ABI1: variants seen among roughly 807,000 people sequenced by gnomAD.
ABI1 encodes abl interactor 1.
A neutral mutation model predicts 54.6 loss-of-function variants in ABI1; 14 were observed. That is an observed-to-expected ratio of 0.26 (90% CI 0.17 to 0.40). The LOEUF (loss-of-function observed/expected upper bound fraction) is 0.40. Among genes scored for constraint, ABI1 ranks in the 10% least tolerant of loss-of-function variants. The pLI is 1.00. For synonymous variants in ABI1, 194 were observed against 209.3 expected, an observed-to-expected ratio of 0.93 and a Z score of 0.63; for missense variants, 443 against 598.3, an observed-to-expected ratio of 0.74 and a Z score of 2.71.
chr10:26,855,782 CCAATA>C (rs2050748867), intron 1 of ABI1, among the ~76,000 whole-genome samples: 1 of 151,830 alleles, frequency 6.6e-6, no homozygotes, highest in African/African-American at 2.4e-5. Flanking sequence ...ACCAGCCTGG[CCAATA>C]TGGTGAAACT....
intron 1 of ABI1, chr10:26,839,628 T>C (rs890702361): frequency 3.2e-5 from 20 of 616,534 alleles, no homozygotes; most frequent in Non-Finnish European, 5.7e-6. Flanking sequence ...TTAACTGACT[T>C]GAGAAAAAGA....
intron 10 of ABI1, among the ~76,000 whole-genome samples, chr10:26,749,974 A>G (rs79967259): frequency 0.015 from 2,212 of 152,286 alleles, 40 homozygotes; most frequent in African/African-American, 0.045. Flanking sequence ...CTCCTCTACT[A>G]TCAAATATAT....
At chr10:26,833,020 A>T (rs2048789024) in intron 1 of ABI1, among the ~76,000 whole-genome samples, 1 of 152,260 alleles carries the variant, frequency 6.6e-6, no homozygotes. Context: ...TATCCAGCAA[A>T]AAAAATAAAT....
At chr10:26,769,665 A>T in intron 5 of ABI1, among the ~76,000 whole-genome samples, 1 of 152,226 alleles carries the variant, frequency 6.6e-6, no homozygotes, top group East Asian at 1.9e-4. Context: ...GTACACTGAG[A>T]ACTAGGAAGG....
chr10:26,811,167 C>A (rs928074273), intron 2 of ABI1, among the ~76,000 whole-genome samples: 35 of 151,806 alleles, frequency 2.3e-4, no homozygotes, highest in Non-Finnish European at 2.4e-4. Flanking sequence ...ATTAAGAATC[C>A]CTGTAGAATA....
chr10:26,797,517 G>A (rs994822979), intron 2 of ABI1, among the ~76,000 whole-genome samples: 1 of 152,162 alleles, frequency 6.6e-6, no homozygotes, highest in African/African-American at 2.4e-5. Context: ...GTTGTAAAAT[G>A]AAGTCCAAAG....
intron 1 of ABI1, among the ~76,000 whole-genome samples, chr10:26,835,973 G>A (rs1373391248): frequency 1.3e-5 from 2 of 151,704 alleles, no homozygotes; most frequent in African/African-American, 2.4e-5. Flanking sequence ...GGCTGGTCTC[G>A]AACTCCTGAA....
intron 5 of ABI1, among the ~76,000 whole-genome samples, chr10:26,769,840 AG>A (rs1351141828): frequency 4.6e-5 from 7 of 152,326 alleles, no homozygotes; most frequent in Admixed American, 3.3e-4. Context: ...GCGAAACAGA[AG>A]AGCTGTGGAC....
chr10:26,787,143 A>T (rs1842816902), intron 2 of ABI1, among the ~76,000 whole-genome samples: 1 of 152,182 alleles, frequency 6.6e-6, no homozygotes, highest in African/African-American at 2.4e-5. Flanking sequence ...CTATTGCAAC[A>T]GTCTTCTAAT....
At chr10:26,775,290 C>T (rs1379977403) in intron 3 of ABI1, among the ~76,000 whole-genome samples, 1 of 152,096 alleles carries the variant, frequency 6.6e-6, no homozygotes, top group African/African-American at 2.4e-5. Flanking sequence ...CAGAAACAAA[C>T]TATAGACAAA....
chr10:26,851,374 T>TTTTTTTG (rs2050377909), intron 1 of ABI1, among the ~76,000 whole-genome samples: 1 of 145,198 alleles, frequency 6.9e-6, no homozygotes, highest in South Asian at 2.2e-4. Context: ...TTTTTTTTTT[T>TTTTTTTG]GAGACAGGGT....
chr10:26,821,827 A>G (rs2048006704), intron 2 of ABI1, among the ~76,000 whole-genome samples: 1 of 151,834 alleles, frequency 6.6e-6, no homozygotes, highest in South Asian at 2.1e-4. Context: ...AAGCAGGAGG[A>G]TTATTATAAA....
intron 2 of ABI1, among the ~76,000 whole-genome samples, chr10:26,790,943 C>T (rs1843345948): frequency 1.3e-5 from 2 of 151,858 alleles, no homozygotes; most frequent in South Asian, 2.1e-4. Context: ...TGGTGGCACA[C>T]ACTTGCAGTC....
intron 2 of ABI1, among the ~76,000 whole-genome samples, chr10:26,792,740 T>C (rs953890059): frequency 2.6e-5 from 4 of 152,202 alleles, no homozygotes; most frequent in Admixed American, 1.3e-4. Context: ...AGGAAAACAT[T>C]TTCTAAAATG....
At chr10:26,808,739 A>G (rs1226753557) in intron 2 of ABI1, among the ~76,000 whole-genome samples, 2 of 151,938 alleles carry the variant, frequency 1.3e-5, no homozygotes, top group African/African-American at 4.8e-5. Flanking sequence ...AACAACAAAA[A>G]AGGTAACTGG....
intron 1 of ABI1, chr10:26,839,796 T>C: frequency 1.4e-6 from 1 of 698,270 alleles, no homozygotes. Flanking sequence ...ACAGAAAAAA[T>C]AAAAATAAAT....
rs747452506 is a variant in ABI1 at position 26,777,228 on chromosome 10, T to C, written c.299A>G (p.His100Arg). 6.2e-7 allele frequency: 1 copy of C among 1,605,926 alleles called. No individual in the cohort carries two copies. Among genetic ancestry groups the C allele is most frequent in the South Asian group, 1.1e-5 (1 of 89,186 alleles). Residue 100 changes from histidine (H) to arginine (R), a missense_variant, in exon 3 of 11, where the codon CAT (histidine) becomes CGT (arginine). His to Arg is a conservative substitution (Grantham distance 29, BLOSUM62 0). This residue lies in a region of ABI1 where 394 missense variants were observed against 484.8 expected (regional missense o/e 0.81). Transcript: ENST00000376140. Reference protein sequence around the residue: ...INHISQTVDIHKEKVARREIG... With the variant: ...INHISQTVDIRKEKVARREIG... Reference sequence around the variant, plus strand: ...CTCTCTTCGTGCCACTTTCTCCTTATGAATATCCACAGTCTATATTTTAAT... The same window carrying C: ...CTCTCTTCGTGCCACTTTCTCCTTACGAATATCCACAGTCTATATTTTAAT...
chr10:26,848,583 C>G (rs953936362), intron 1 of ABI1, among the ~76,000 whole-genome samples: 1 of 147,202 alleles, frequency 6.8e-6, no homozygotes, highest in Non-Finnish European at 1.5e-5. Context: ...ATAATTAGCA[C>G]AGTATGCAAT....
intron 1 of ABI1, among the ~76,000 whole-genome samples, chr10:26,857,156 C>T (rs1476166861): frequency 6.6e-6 from 1 of 151,738 alleles, no homozygotes; most frequent in Admixed American, 6.6e-5. Flanking sequence ...CCTGCCTCTG[C>T]TAAAAACACA....
Sources: allele counts gnomAD v4.1 joint callset (sites outside exome capture counted in the v4.1 genomes callset), GRCh38; gene constraint gnomAD v4.1.1; regional missense constraint gnomAD v4.1.1; transcripts MANE v1.5; gene names NCBI Gene and HGNC (gene_info 2026-07-23, HGNC 2026-07-21).